Variants in ABR observed in about 807,000 individuals in gnomAD.
The protein encoded by ABR is active breakpoint cluster region-related protein.
Under a neutral mutation model 107.2 loss-of-function variants are expected in ABR, and 35 were observed. The ratio of observed to expected loss-of-function variants is 0.33; its 90% CI spans 0.25 to 0.43. The LOEUF (loss-of-function observed/expected upper bound fraction) is 0.43, where lower values mean the gene tolerates loss of function less well. Ranked by LOEUF, ABR falls within the 20% of genes least tolerant of loss-of-function variation. The pLI, the probability that ABR is intolerant of heterozygous loss-of-function variation, is 1.00. For missense variants in ABR, 815 were observed against 1,115.2 expected (o/e 0.73, Z 3.83); for synonymous variants, 498 against 462.0 (o/e 1.08, Z -1.00).
At chr17:1,225,549 G>T (rs1043680966) in intron 1 of ABR, among the ~76,000 whole-genome samples, 3 of 152,156 alleles carry the variant, frequency 2.0e-5, no homozygotes, top group African/African-American at 7.2e-5. Flanking sequence ...CTACTCAGGA[G>T]GCTGAGGCAG....
intron 1 of ABR, among the ~76,000 whole-genome samples, chr17:1,137,850 T>C (rs1031932956): frequency 6.6e-6 from 1 of 152,040 alleles, no homozygotes; most frequent in South Asian, 2.1e-4. Flanking sequence ...CGCAGGAGGC[T>C]ATTTACTTTA....
chr17:1,184,061 A>G (rs939134387), upstream of ABR, among the ~76,000 whole-genome samples: 9 of 151,668 alleles, frequency 5.9e-5, no homozygotes, highest in African/African-American at 1.9e-4. Context: ...AAACACAAAA[A>G]TTAGCCAGGC....
chr17:1,117,605 G>A (rs1221215510), intron 2 of ABR, among the ~76,000 whole-genome samples: 2 of 30,498 alleles, frequency 6.6e-5, no homozygotes, highest in African/African-American at 3.0e-4. Context: ...CCCTGAGCCC[G>A]AGTTCCTCCC....
Position 1,229,232 on chromosome 17 carries a change from GA to G in ABR, c.398del (p.Phe133SerfsTer66), listed in dbSNP as rs2043286538. ...GGGGCGCGTCGTCCTCCCGGGCCCG[GA>G]ACCGCAGCTGGGGCTGCAGGAGCTG... is the stretch of plus-strand genomic sequence containing the variant. On this transcript the variant is annotated frameshift_variant, in exon 1 of 23. Coordinates refer to the ABR transcript ENST00000574139. LOFTEE classifies it high-confidence loss of function. Among the ~76,000 whole-genome samples the G allele has an allele frequency of 6.6e-6, 1 of 151,626 alleles. No homozygotes were observed.
In ABR at chr17:1,125,223, TC is replaced by T. The variant is rs766403834; in HGVS notation, c.205del (p.Asp69MetfsTer23). 13 of 1,603,274 alleles carry T rather than the reference TC, an allele frequency of 8.1e-6. No homozygotes were observed. The highest frequency in any genetic ancestry group is 3.4e-5 in the Admixed American group (2 of 58,808). ...CTCAGGTGGAGTCGGGGAGACGCCA[TC>T]CCCCCCGCCCTGGCTGCGGGCGCTG... ...QLSARSQGGG[D>X]GVSPTPPEGL... On this transcript the variant is annotated frameshift_variant, in exon 2 of 23. Transcript: ENST00000302538. LOFTEE classifies it high-confidence loss of function.
At chr17:1,216,998 G>A (rs2043022521) in intron 1 of ABR, among the ~76,000 whole-genome samples, 1 of 152,160 alleles carries the variant, frequency 6.6e-6, no homozygotes, top group South Asian at 2.1e-4. Flanking sequence ...GCCAGCGGAT[G>A]CCAGCCCAGC....
chr17:1,175,817 C>T (rs569556574), intron 1 of ABR, among the ~76,000 whole-genome samples: 124 of 152,290 alleles, frequency 8.1e-4, no homozygotes, highest in African/African-American at 2.5e-3. Flanking sequence ...CAGGGCCGGG[C>T]GCGGTGGCTC....
At chr17:1,141,458 C>G (rs1317916512) in intron 1 of ABR, among the ~76,000 whole-genome samples, 1 of 152,174 alleles carries the variant, frequency 6.6e-6, no homozygotes, top group Non-Finnish European at 1.5e-5. Flanking sequence ...GTTTTCTCAT[C>G]TCTAAAATGA....
intron 1 of ABR, among the ~76,000 whole-genome samples, chr17:1,208,060 C>T (rs1487758492): frequency 2.0e-5 from 3 of 152,114 alleles, no homozygotes; most frequent in South Asian, 2.1e-4. Context: ...CCGGAGCCAC[C>T]GCACCTGTCC....
chr17:1,116,393 G>T (rs1487256166), intron 2 of ABR, among the ~76,000 whole-genome samples: 2 of 152,172 alleles, frequency 1.3e-5, no homozygotes, highest in African/African-American at 4.8e-5. Context: ...ATGTCATCTA[G>T]TCTCCCTGTG....
At chr17:1,144,024 G>A (rs1183869573) in intron 1 of ABR, among the ~76,000 whole-genome samples, 1 of 152,086 alleles carries the variant, frequency 6.6e-6, no homozygotes, top group Non-Finnish European at 1.5e-5. Flanking sequence ...GAAAACTGAG[G>A]CTTCTGAGTC....
At chr17:1,009,865 C>T in intron 20 of ABR, 81 bp from the exon 21 acceptor site, 1 of 1,286,900 alleles carries the variant, frequency 7.8e-7, no homozygotes, top group Non-Finnish European at 1.1e-6. Context: ...GCTGTGGGCC[C>T]CTGCGGGAGA....
chr17:1,221,656 G>C (rs2043121810), intron 1 of ABR, among the ~76,000 whole-genome samples: 1 of 152,212 alleles, frequency 6.6e-6, no homozygotes, highest in African/African-American at 2.4e-5. Context: ...TTGGGGGCTG[G>C]TTTGGGGAAG....
chr17:1,087,476 G>A (rs536470487), intron 4 of ABR, among the ~76,000 whole-genome samples: 36 of 152,252 alleles, frequency 2.4e-4, no homozygotes, highest in African/African-American at 8.4e-4. Flanking sequence ...GCCAAGGCCA[G>A]AGGCATTCAG....
intron 14 of ABR, among the ~76,000 whole-genome samples, chr17:1,052,152 C>T (rs941981922): frequency 2.6e-5 from 4 of 151,946 alleles, no homozygotes; most frequent in African/African-American, 9.7e-5. Context: ...GCTGGAGCAA[C>T]AGAAAGAAGA....
chr17:1,218,019 G>A (rs770870545), intron 1 of ABR, among the ~76,000 whole-genome samples: 50 of 152,040 alleles, frequency 3.3e-4, no homozygotes, highest in Admixed American at 1.1e-3. Flanking sequence ...TAGTGGAGAC[G>A]GGGTTTCACC....
Position 1,090,540 on chromosome 17 carries a change from AG to A in ABR, c.531+1124del, listed in dbSNP as rs565926864. 4.0e-3 allele frequency among the ~76,000 whole-genome samples: 604 copies of A among 152,010 alleles called. 9 individuals carry two copies. Among genetic ancestry groups the A allele is most frequent in the African/African-American group, 0.013 (521 of 41,428 alleles). On this transcript the variant is annotated intron_variant, in intron 4 of 22. Coordinates refer to ENST00000302538, the MANE Select transcript of ABR (RefSeq NM_021962.5). Reference sequence around the variant, plus strand: ...GTGGAGTCCACAGGACAGGTGGGGGAGGGGGTGCAGCCAGAAAGAGTCTGAA... The same window carrying A: ...GTGGAGTCCACAGGACAGGTGGGGGAGGGGTGCAGCCAGAAAGAGTCTGAA...
At chr17:1,042,459 GT>G (rs1230191413) in intron 16 of ABR, among the ~76,000 whole-genome samples, 1 of 137,708 alleles carries the variant, frequency 7.3e-6, no homozygotes, top group Non-Finnish European at 1.6e-5. Context: ...ATAAACAGAC[GT>G]GGCAGCTACA....
chr17:1,018,145 C>T (rs957602801), intron 16 of ABR, among the ~76,000 whole-genome samples: 1 of 152,078 alleles, frequency 6.6e-6, no homozygotes, highest in Admixed American at 6.5e-5. Flanking sequence ...CGGGTTCACG[C>T]CATTCTCCTG....
Sources: allele counts gnomAD v4.1 joint callset (sites outside exome capture counted in the v4.1 genomes callset), GRCh38; gene constraint gnomAD v4.1.1; transcripts MANE v1.5; gene names NCBI Gene and HGNC (gene_info 2026-07-23, HGNC 2026-07-21).